Variants in ATP10D observed in about 807,000 individuals in gnomAD.
ATP10D encodes ATPase phospholipid transporting 10D (putative).
In ATP10D, 89 loss-of-function variants were observed where a neutral mutation model predicts 144.8. That is an observed-to-expected ratio of 0.61 (90% CI 0.52 to 0.73). The LOEUF (loss-of-function observed/expected upper bound fraction) is 0.73. Ranked by LOEUF, ATP10D falls within the 30% of genes least tolerant of loss-of-function variation. The probability of loss-of-function intolerance (pLI) is 0.00; values close to 1 mark genes in which losing one functional copy is unlikely to be tolerated. For missense variants in ATP10D, 1,603 were observed against 1,714.8 expected (o/e 0.93, Z 1.15); for synonymous variants, 571 against 615.1 (o/e 0.93, Z 1.06).
At chr4:47,562,416 G>A (rs894807349) in intron 14 of ATP10D, among the ~76,000 whole-genome samples, 2 of 152,072 alleles carry the variant, frequency 1.3e-5, no homozygotes, top group Admixed American at 1.3e-4. Flanking sequence ...ACAACAACAA[G>A]TGGCCAACAA....
At chr4:47,579,444 C>G (rs1720401873) in intron 19 of ATP10D, among the ~76,000 whole-genome samples, 1 of 152,158 alleles carries the variant, frequency 6.6e-6, no homozygotes, top group Non-Finnish European at 1.5e-5. Flanking sequence ...TGAGATACTT[C>G]TCAGGTTTCC....
At position 47,591,473 on chromosome 4, in the gene ATP10D, T is replaced by C. The variant is rs1396849244; in HGVS notation, c.*92T>C. The C allele has an allele frequency of 8.9e-7, 1 of 1,122,100 alleles. No individual in the cohort carries two copies. The highest frequency in any genetic ancestry group is 2.4e-5 in the East Asian group (1 of 41,316). 69.5% of individuals were successfully genotyped at this position (1,122,100 alleles called of 1,614,324 possible). ...CAAGCAAGAATGACTTGTTTTTCCATAAGGGACATGAGCATTTTACTAGGC... is the reference window on the plus strand; with the variant it reads ...CAAGCAAGAATGACTTGTTTTTCCACAAGGGACATGAGCATTTTACTAGGC... On this transcript the variant is annotated 3_prime_UTR_variant, in exon 23 of 23. Coordinates refer to ENST00000273859, the MANE Select transcript of ATP10D (RefSeq NM_020453.4).
chr4:47,523,586 A>G lies in ATP10D; in HGVS notation c.690+370A>G, dbSNP rs536605757. On this transcript the variant is annotated intron_variant, in intron 4 of 22. Coordinates refer to ENST00000273859, the MANE Select transcript of ATP10D (RefSeq NM_020453.4). Reference sequence around the variant, plus strand: ...AAACTTTAGCAGCTTTTCATGCTACATAGCTTTTAGACGCTTCTCAGTATT... The same window carrying G: ...AAACTTTAGCAGCTTTTCATGCTACGTAGCTTTTAGACGCTTCTCAGTATT... 2.4e-4 allele frequency among the ~76,000 whole-genome samples: 36 copies of G among 152,334 alleles called. No individual in the cohort carries two copies. In the East Asian group the frequency reaches 3.7e-3, roughly 15 times the overall value.
intron 22 of ATP10D, among the ~76,000 whole-genome samples, chr4:47,590,660 T>C (rs1164229716): frequency 6.6e-6 from 1 of 152,078 alleles, no homozygotes; most frequent in Non-Finnish European, 1.5e-5. Context: ...ACAATAGCCA[T>C]AGGAAACTGG....
intron 10 of ATP10D, among the ~76,000 whole-genome samples, chr4:47,549,022 G>A (rs1328870628): frequency 6.6e-6 from 1 of 152,196 alleles, no homozygotes; most frequent in East Asian, 1.9e-4. Context: ...CGAGTTACGA[G>A]CCAGCAAGTG....
chr4:47,487,635 TC>T (rs1287769105), intron 1 of ATP10D, among the ~76,000 whole-genome samples: 1 of 152,230 alleles, frequency 6.6e-6, no homozygotes, highest in Non-Finnish European at 1.5e-5. Context: ...CGTCAGTTAT[TC>T]CTTCGATATT....
Position 47,576,861 on chromosome 4 carries a change from A to G in ATP10D, c.3455A>G (p.Asn1152Ser), listed in dbSNP as rs775887388. 3.1e-6 allele frequency: 5 copies of G among 1,613,892 alleles called. No homozygotes were observed. The highest frequency in any genetic ancestry group is 2.7e-5 in the African/African-American group (2 of 74,902). The change falls in exon 19 of 23, where the codon AAC becomes AGC. Residue 1152 changes from asparagine (N) to serine (S), a missense_variant. Transcript: ENST00000273859. ...MTDYWVLIFF[N>S]LLFTSAPPVI... ...GATTACTGGGTTTTGATCTTCTTCA[A>G]CCTCCTCTTCACATCTGCCCCTCCT... is the stretch of plus-strand genomic sequence containing the variant.
intron 3 of ATP10D, among the ~76,000 whole-genome samples, chr4:47,516,007 A>C (rs541887993): frequency 7.7e-4 from 117 of 152,308 alleles, no homozygotes; most frequent in Admixed American, 4.6e-3. Context: ...AGGCGGGTGG[A>C]TCGCCTGAGG....
Position 47,524,403 on chromosome 4 carries a change from C to T in ATP10D, c.691-1154C>T, listed in dbSNP as rs1717127974. On this transcript the variant is annotated intron_variant, in intron 4 of 22. Coordinates refer to ENST00000273859, the MANE Select transcript of ATP10D (RefSeq NM_020453.4). ...TAGATCCTCTGTGATTGATATGCCT[C>T]CTAGACTACTGTCATTGTCACTTCT... is the stretch of plus-strand genomic sequence containing the variant. Among the ~76,000 whole-genome samples the T allele has an allele frequency of 2.0e-5, 3 of 152,098 alleles. No homozygotes were observed. In the South Asian group the frequency reaches 6.2e-4, roughly 32 times the overall value.
chr4:47,538,657 A>T (rs188123564), intron 9 of ATP10D, among the ~76,000 whole-genome samples: 24 of 152,238 alleles, frequency 1.6e-4, no homozygotes, highest in African/African-American at 5.8e-4. Flanking sequence ...GATCTTATTG[A>T]TGACCTCATC....
Position 47,561,095 on chromosome 4 carries a change from ATTGCCT to A in ATP10D, c.2668+21_2668+26del, listed in dbSNP as rs753076681. ...TACTTGGTAGGTGAATTATGTTTGT[ATTGCCT>A]GAATGGAGGATTTTGAAAAACACTG... is the stretch of plus-strand genomic sequence containing the variant. On this transcript the variant is annotated intron_variant, in intron 14 of 22. Coordinates refer to ENST00000273859, the MANE Select transcript of ATP10D (RefSeq NM_020453.4). 217 of 1,613,600 alleles carry A rather than the reference ATTGCCT, an allele frequency of 1.3e-4. No individual in the cohort carries two copies. Among genetic ancestry groups the A allele is most frequent in the Non-Finnish European group, 1.8e-4 (213 of 1,179,678 alleles).
intron 10 of ATP10D, among the ~76,000 whole-genome samples, chr4:47,548,175 C>T (rs1718541482): frequency 6.6e-6 from 1 of 152,088 alleles, no homozygotes. Flanking sequence ...CTGTGCCACA[C>T]CTTATTGGTT....
At chr4:47,589,545 C>G (rs1051775091) in intron 22 of ATP10D, among the ~76,000 whole-genome samples, 25 of 152,196 alleles carry the variant, frequency 1.6e-4, no homozygotes, top group African/African-American at 5.8e-4. Context: ...GCTACATTTA[C>G]TTATTAGTTC....
intron 21 of ATP10D, among the ~76,000 whole-genome samples, chr4:47,584,613 G>A (rs1160041357): frequency 1.3e-5 from 2 of 152,044 alleles, no homozygotes; most frequent in African/African-American, 4.8e-5. Context: ...AGCCAGGATG[G>A]TCTCGATCTC....
chr4:47,523,677 A>G (rs1437616421), intron 4 of ATP10D, among the ~76,000 whole-genome samples: 2 of 152,232 alleles, frequency 1.3e-5, no homozygotes, highest in African/African-American at 4.8e-5. Flanking sequence ...CAACTCTGCT[A>G]TTAATTTACT....
chr4:47,486,934 A>C (rs532387440), intron 1 of ATP10D, among the ~76,000 whole-genome samples: 33 of 152,274 alleles, frequency 2.2e-4, no homozygotes, highest in Non-Finnish European at 4.3e-4. Flanking sequence ...TTAGTGACTA[A>C]ATAGAATTGA....
intron 16 of ATP10D, among the ~76,000 whole-genome samples, chr4:47,571,140 T>C (rs1719928589): frequency 6.6e-6 from 1 of 152,074 alleles, no homozygotes; most frequent in Admixed American, 6.5e-5. Flanking sequence ...GGTGGAATTT[T>C]GTTCAATTAT....
At chr4:47,557,084 C>T (rs1028446004) in intron 11 of ATP10D, 5 of 152,022 alleles carry the variant, frequency 3.3e-5, no homozygotes, top group African/African-American at 1.2e-4. Flanking sequence ...TATATTATTA[C>T]TTGTTACTTT....
intron 2 of ATP10D, 72 bp from the exon 3 acceptor site, chr4:47,515,404 A>G: frequency 1.6e-6 from 2 of 1,216,060 alleles, no homozygotes; most frequent in Non-Finnish European, 2.3e-6. Context: ...GAAAAACAAT[A>G]TAGTACTTTG....
Sources: gnomAD v4.1 joint callset for allele counts (sites outside exome capture counted in the v4.1 genomes callset) on GRCh38, gnomAD v4.1.1 for gene constraint, MANE v1.5 for transcripts, NCBI Gene and HGNC (gene_info 2026-07-23, HGNC 2026-07-21) for gene names.